The following CSMD3 variants were observed in gnomAD, a reference collection of about 807,000 sequenced individuals.
CSMD3 encodes CUB and sushi domain-containing protein 3.
A neutral mutation model predicts 435.2 loss-of-function variants in CSMD3; 177 were observed. The ratio of observed to expected loss-of-function variants is 0.41; its 90% CI spans 0.36 to 0.46. The LOEUF (loss-of-function observed/expected upper bound fraction) is 0.46, where lower values mean the gene tolerates loss of function less well. CSMD3 is among the 20% of genes least tolerant of loss of function. CSMD3 has a pLI of 0.34. For missense variants in CSMD3, 4,265 were observed against 4,504.6 expected, an observed-to-expected ratio of 0.95 and a Z score of 1.52; for synonymous variants, 1,656 against 1,520.5, an observed-to-expected ratio of 1.09 and a Z score of -2.07.
intron 1 of CSMD3, among the ~76,000 whole-genome samples, chr8:113,344,442 C>T (rs748837538): frequency 3.3e-5 from 5 of 152,026 alleles, no homozygotes; most frequent in Non-Finnish European, 7.4e-5. Flanking sequence ...TTGTATGGAG[C>T]TTGAATTCTG....
chr8:112,565,630 T>G (rs900289435), intron 24 of CSMD3, among the ~76,000 whole-genome samples: 3 of 152,126 alleles, frequency 2.0e-5, no homozygotes, highest in African/African-American at 7.2e-5. Flanking sequence ...AGTGGGATTT[T>G]TTGTAAATTA....
At chr8:112,641,386 C>A (rs1034593525) in intron 20 of CSMD3, among the ~76,000 whole-genome samples, 1 of 152,080 alleles carries the variant, frequency 6.6e-6, no homozygotes, top group Non-Finnish European at 1.5e-5. Flanking sequence ...ATTTAGAAGA[C>A]TGTAAGTAAC....
chr8:113,051,309 GC>G (rs999571816), intron 5 of CSMD3, among the ~76,000 whole-genome samples: 17 of 152,040 alleles, frequency 1.1e-4, no homozygotes, highest in African/African-American at 4.1e-4. Context: ...CATTATAATT[GC>G]CAAATGAGGG....
At chr8:113,065,417 C>T (rs555862960) in intron 5 of CSMD3, among the ~76,000 whole-genome samples, 2 of 152,064 alleles carry the variant, frequency 1.3e-5, no homozygotes, top group East Asian at 3.9e-4. Flanking sequence ...GACGGAGTCT[C>T]GCTCTGTCGC....
chr8:112,386,871 C>T (rs1458828772), intron 36 of CSMD3, among the ~76,000 whole-genome samples: 3 of 152,140 alleles, frequency 2.0e-5, no homozygotes, highest in South Asian at 2.1e-4. Context: ...AGTTGTCCAT[C>T]ATGGTAATGG....
chr8:112,359,279 T>G (rs577765878), intron 38 of CSMD3, among the ~76,000 whole-genome samples: 4 of 152,318 alleles, frequency 2.6e-5, no homozygotes, highest in African/African-American at 9.6e-5. Context: ...ATTCCTTCAT[T>G]CCTGTGCCAG....
chr8:112,384,178 T>C (rs1473307058), intron 36 of CSMD3, among the ~76,000 whole-genome samples: 1 of 152,224 alleles, frequency 6.6e-6, no homozygotes, highest in East Asian at 1.9e-4. Context: ...CTCAATTTCT[T>C]CTCTTCCTTT....
intron 7 of CSMD3, among the ~76,000 whole-genome samples, chr8:112,972,094 C>CAA (rs2084679808): frequency 6.6e-6 from 1 of 151,656 alleles, no homozygotes; most frequent in African/African-American, 2.4e-5. Context: ...ACATTAAGTA[C>CAA]AAAATACTGT....
chr8:112,271,053 A>G (rs1817487699), intron 59 of CSMD3, among the ~76,000 whole-genome samples: 1 of 152,100 alleles, frequency 6.6e-6, no homozygotes, highest in Admixed American at 6.6e-5. Flanking sequence ...CTTTGAACTG[A>G]CATTGTCATA....
At position 112,689,948 on chromosome 8, in the gene CSMD3, A is replaced by G. The variant is rs1387636634; in HGVS notation, c.2075T>C (p.Phe692Ser). The change falls in exon 14 of 71, where the codon TTT becomes TCT. Residue 692 changes from phenylalanine (F) to serine (S), a missense_variant. By Grantham distance (155) the Phe-to-Ser change is radical. This residue lies in a region of CSMD3 where 279 missense variants were observed against 369.0 expected (regional missense o/e 0.76). Coordinates refer to ENST00000297405, the MANE Select transcript of CSMD3 (RefSeq NM_198123.2). ...TTTCTCTCCAATTAATTCAAACCCAAACTGGCATTCAAACCTTAAAACATC... is the reference window on the plus strand; with the variant it reads ...TTTCTCTCCAATTAATTCAAACCCAGACTGGCATTCAAACCTTAAAACATC... ...NRDVLRFECQ[F>S]GFELIGEKSI... The G allele has an allele frequency of 6.2e-7, 1 of 1,613,400 alleles. No homozygotes were observed. Among genetic ancestry groups the G allele is most frequent in the Non-Finnish European group, 8.5e-7 (1 of 1,179,498 alleles).
intron 6 of CSMD3, among the ~76,000 whole-genome samples, chr8:112,988,803 A>G (rs1437612972): frequency 1.3e-5 from 2 of 152,022 alleles, no homozygotes; most frequent in Non-Finnish European, 2.9e-5. Flanking sequence ...TCAGCCAACT[A>G]TTCCCCACTG....
At chr8:112,694,301 AC>A (rs896497454) in intron 13 of CSMD3, among the ~76,000 whole-genome samples, 7 of 152,144 alleles carry the variant, frequency 4.6e-5, no homozygotes, top group Non-Finnish European at 1.0e-4. Flanking sequence ...TTAGGGGAGA[AC>A]AAAACTTGTG....
intron 23 of CSMD3, among the ~76,000 whole-genome samples, chr8:112,580,501 C>T (rs866462555): frequency 1.4e-5 from 2 of 145,740 alleles, no homozygotes; most frequent in Middle Eastern, 7.1e-3. Flanking sequence ...ATCTGGAGCC[C>T]AGAAAGGTGG....
intron 13 of CSMD3, among the ~76,000 whole-genome samples, chr8:112,765,413 T>A (rs1352953861): frequency 1.3e-5 from 2 of 151,588 alleles, no homozygotes; most frequent in African/African-American, 4.8e-5. Flanking sequence ...CCAAGATGAA[T>A]ATCATCATTA....
chr8:112,347,948 T>A (rs1037570397), intron 40 of CSMD3, among the ~76,000 whole-genome samples: 3 of 152,234 alleles, frequency 2.0e-5, no homozygotes, highest in Admixed American at 6.5e-5. Flanking sequence ...GTCCTTCTAA[T>A]TCTGTTACTT....
chr8:112,920,672 T>G (rs1325389488), intron 10 of CSMD3, among the ~76,000 whole-genome samples: 1 of 151,830 alleles, frequency 6.6e-6, no homozygotes, highest in Non-Finnish European at 1.5e-5. Flanking sequence ...CAAATTGACT[T>G]ATAATCAGGT....
intron 3 of CSMD3, among the ~76,000 whole-genome samples, chr8:113,203,915 C>T (rs1296484917): frequency 6.6e-6 from 1 of 152,092 alleles, no homozygotes. Flanking sequence ...TTAGTTAAAT[C>T]AATGATGGGT....
At chr8:112,495,898 T>C (rs548053346) in intron 30 of CSMD3, among the ~76,000 whole-genome samples, 4 of 151,554 alleles carry the variant, frequency 2.6e-5, no homozygotes, top group Admixed American at 6.6e-5. Flanking sequence ...AAATTATTTC[T>C]GCTGAATATA....
At chr8:112,635,425 A>G (rs1267807926) in intron 22 of CSMD3, among the ~76,000 whole-genome samples, 1 of 152,072 alleles carries the variant, frequency 6.6e-6, no homozygotes, top group Non-Finnish European at 1.5e-5. Context: ...GAAAACAGTC[A>G]CAAAAATGAA....
Sources: allele counts gnomAD v4.1 joint callset (sites outside exome capture counted in the v4.1 genomes callset), GRCh38; gene constraint gnomAD v4.1.1; regional missense constraint gnomAD v4.1.1; transcripts MANE v1.5; gene names NCBI Gene and HGNC (gene_info 2026-07-23, HGNC 2026-07-21).